The following TCF4 variants were observed in gnomAD, a reference collection of about 807,000 sequenced individuals.
TCF4 encodes the protein transcription factor 4, also known as SL3-3 enhancer factor 2.
In TCF4, 3 loss-of-function variants were observed where a neutral mutation model predicts 82.1. That is an observed-to-expected ratio of 0.04 (90% CI 0.02 to 0.09). TCF4 has a LOEUF of 0.09. Among genes scored for constraint, TCF4 ranks in the 10% least tolerant of loss-of-function variants. The pLI, the probability that TCF4 is intolerant of heterozygous loss-of-function variation, is 1.00. For synonymous variants in TCF4, 276 were observed against 309.6 expected (o/e 0.89, Z 1.14); for missense variants, 518 against 852.7 (o/e 0.61, Z 4.89).
intron 2 of TCF4, among the ~76,000 whole-genome samples, chr18:55,601,526 G>A (rs568812580): frequency 2.0e-5 from 3 of 152,008 alleles, no homozygotes; most frequent in Non-Finnish European, 2.9e-5. Context: ...GCTCACGCCT[G>A]TAATCCCAGC....
intron 5 of TCF4, among the ~76,000 whole-genome samples, chr18:55,407,060 C>T (rs1264764378): frequency 6.6e-6 from 1 of 151,988 alleles, no homozygotes; most frequent in Non-Finnish European, 1.5e-5. Context: ...TTGTTGTATG[C>T]CCATAAAGAT....
At chr18:55,426,542 GC>G (rs2094990671) in intron 5 of TCF4, among the ~76,000 whole-genome samples, 1 of 151,982 alleles carries the variant, frequency 6.6e-6, no homozygotes, top group African/African-American at 2.4e-5. Flanking sequence ...TTCATCCTTT[GC>G]TGCCCATAGG....
At chr18:55,618,507 G>A (rs1192445133) in intron 2 of TCF4, among the ~76,000 whole-genome samples, 2 of 151,206 alleles carry the variant, frequency 1.3e-5, no homozygotes, top group Middle Eastern at 3.2e-3. Context: ...CTATCTAAGG[G>A]TTTGTCAATT....
intron 5 of TCF4, among the ~76,000 whole-genome samples, chr18:55,428,850 C>T (rs143926109): frequency 2.7e-4 from 41 of 152,212 alleles, no homozygotes; most frequent in African/African-American, 7.0e-4. Flanking sequence ...GGTTGTCACA[C>T]GGTAAGCTTC....
At chr18:55,308,655 G>A (rs939068243) in intron 8 of TCF4, among the ~76,000 whole-genome samples, 2 of 152,104 alleles carry the variant, frequency 1.3e-5, no homozygotes, top group Non-Finnish European at 2.9e-5. Context: ...GAAATTCAAG[G>A]TCCCCATTGT....
upstream of TCF4, chr18:55,589,650 G>C (rs1206281054): frequency 9.6e-7 from 1 of 1,040,256 alleles, no homozygotes; most frequent in Non-Finnish European, 1.2e-6. Context: ...CTCTCATAAA[G>C]TCTTAAACTT....
upstream of TCF4, among the ~76,000 whole-genome samples, chr18:55,592,881 C>G (rs953262403): frequency 1.1e-4 from 17 of 152,218 alleles, no homozygotes; most frequent in African/African-American, 4.1e-4. Flanking sequence ...GAAAAGCAGA[C>G]AAACAATTAA....
At chr18:55,480,296 A>AAAAAG (rs1568175293) in intron 3 of TCF4, among the ~76,000 whole-genome samples, 51 of 63,348 alleles carry the variant, frequency 8.1e-4, no homozygotes, top group Non-Finnish European at 9.9e-4. Context: ...AAAAAAAAAA[A>AAAAAG]GCGGGGGGGC....
At chr18:55,581,780 T>C (rs1483590873) in intron 3 of TCF4, among the ~76,000 whole-genome samples, 4 of 152,116 alleles carry the variant, frequency 2.6e-5, no homozygotes, top group Admixed American at 2.6e-4. Context: ...TTTCAGGCAA[T>C]ACTTTCCTCT....
At chr18:55,280,129 C>T (rs2062274193) in intron 8 of TCF4, among the ~76,000 whole-genome samples, 1 of 152,042 alleles carries the variant, frequency 6.6e-6, no homozygotes, top group Non-Finnish European at 1.5e-5. Flanking sequence ...ACAGAGAGAA[C>T]ACAAATGAAC....
At chr18:55,325,131 G>A (rs960690641) in intron 8 of TCF4, among the ~76,000 whole-genome samples, 1 of 152,148 alleles carries the variant, frequency 6.6e-6, no homozygotes, top group Admixed American at 6.5e-5. Flanking sequence ...CTGCATTAAA[G>A]AATAAGTAAA....
At chr18:55,523,906 T>C (rs749854253) in intron 3 of TCF4, among the ~76,000 whole-genome samples, 16 of 152,084 alleles carry the variant, frequency 1.1e-4, no homozygotes, top group Non-Finnish European at 1.3e-4. Context: ...AAATGAAAAA[T>C]ACCACCAATA....
intron 6 of TCF4, among the ~76,000 whole-genome samples, chr18:55,400,236 C>CA (rs2093740145): frequency 1.3e-5 from 2 of 152,030 alleles, no homozygotes; most frequent in Admixed American, 1.3e-4. Context: ...GACTAGCTTG[C>CA]AAAAAACTTT....
chr18:55,592,419 G>A (rs927345647), upstream of TCF4, among the ~76,000 whole-genome samples: 1 of 152,100 alleles, frequency 6.6e-6, no homozygotes, highest in African/African-American at 2.4e-5. Context: ...TCACATAGTG[G>A]AGAAAGAGAG....
intron 3 of TCF4, among the ~76,000 whole-genome samples, chr18:55,474,944 A>G (rs1369379407): frequency 6.6e-6 from 1 of 152,166 alleles, no homozygotes; most frequent in Non-Finnish European, 1.5e-5. Flanking sequence ...AAAGTTTTCA[A>G]TTACAGTGCA....
At chr18:55,551,856 G>C (rs1488577277) in intron 3 of TCF4, 1 of 152,134 alleles carries the variant, frequency 6.6e-6, no homozygotes, top group East Asian at 1.9e-4. Context: ...AAGGAAAAGA[G>C]AGAAAAACAA....
intron 5 of TCF4, among the ~76,000 whole-genome samples, chr18:55,424,164 G>A (rs1233369864): frequency 2.0e-5 from 3 of 152,122 alleles, no homozygotes; most frequent in Admixed American, 1.3e-4. Context: ...TGTGTCACTC[G>A]ACAAAGTCAT....
intron 3 of TCF4, among the ~76,000 whole-genome samples, chr18:55,583,751 T>G (rs934013547): frequency 1.3e-5 from 2 of 148,258 alleles, no homozygotes; most frequent in Non-Finnish European, 3.0e-5. Context: ...CATAAAAAAA[T>G]TACTGTCAAA....
intron 3 of TCF4, among the ~76,000 whole-genome samples, chr18:55,559,460 A>G (rs17598366): frequency 0.021 from 3,240 of 152,242 alleles, 69 homozygotes; most frequent in Non-Finnish European, 0.026. Flanking sequence ...TTGTGTGTAC[A>G]TGAATATATT....
Sources: allele counts gnomAD v4.1 joint callset (sites outside exome capture counted in the v4.1 genomes callset), GRCh38; gene constraint gnomAD v4.1.1; transcripts MANE v1.5; gene names NCBI Gene and HGNC (gene_info 2026-07-23, HGNC 2026-07-21).